PRMT3: variants seen among roughly 807,000 people sequenced by gnomAD.
PRMT3 encodes protein arginine N-methyltransferase 3.
PRMT3 carries 62 observed loss-of-function variants against 71.9 expected under a neutral mutation model. The ratio of observed to expected loss-of-function variants is 0.86; its 90% CI spans 0.70 to 1.07. The LOEUF (loss-of-function observed/expected upper bound fraction) is 1.07. Among genes scored for constraint, PRMT3 ranks in the 50% least tolerant of loss-of-function variants. The probability of loss-of-function intolerance (pLI) is 0.00; values close to 1 mark genes in which losing one functional copy is unlikely to be tolerated. For missense variants in PRMT3, 663 were observed against 643.0 expected (o/e 1.03, Z -0.34); for synonymous variants, 213 against 220.4 (o/e 0.97, Z 0.30).
Position 20,446,031 on chromosome 11 carries a change from G to T in PRMT3, c.994-6099G>T, listed in dbSNP as rs570810136. On this transcript the variant is annotated intron_variant, in intron 10 of 15. Coordinates refer to ENST00000331079, the MANE Select transcript of PRMT3 (RefSeq NM_005788.4). ...TTTCCAGTTTATTACGCAAATAATA[G>T]TGCTGTAGTGTGCTTGTACGTGTGT... Among the ~76,000 whole-genome samples, 15 of 152,230 alleles carry T rather than the reference G, an allele frequency of 9.9e-5. No individual in the cohort carries two copies. The East Asian group carries it at 2.7e-3, about 27-fold the overall frequency.
At chr11:20,444,845 T>C (rs1358131519) in intron 10 of PRMT3, among the ~76,000 whole-genome samples, 1 of 152,150 alleles carries the variant, frequency 6.6e-6, no homozygotes, top group Non-Finnish European at 1.5e-5. Flanking sequence ...AATTTCTACC[T>C]ATAGTTCAGG....
At chr11:20,425,129 A>C (rs1849518566) in intron 9 of PRMT3, among the ~76,000 whole-genome samples, 2 of 152,106 alleles carry the variant, frequency 1.3e-5, no homozygotes, top group Non-Finnish European at 2.9e-5. Context: ...AAAAGAAAGA[A>C]TACAACTGAC....
intron 15 of PRMT3, among the ~76,000 whole-genome samples, chr11:20,496,311 A>G (rs771447982): frequency 1.3e-5 from 2 of 152,014 alleles, no homozygotes; most frequent in Non-Finnish European, 2.9e-5. Context: ...CCTGCTACTT[A>G]GGAGGCTGAG....
At chr11:20,452,822 T>G (rs569341873) in intron 11 of PRMT3, among the ~76,000 whole-genome samples, 7 of 152,320 alleles carry the variant, frequency 4.6e-5, no homozygotes, top group Non-Finnish European at 1.0e-4. Context: ...CTGTGAGCAA[T>G]TATATACATA....
intron 10 of PRMT3, among the ~76,000 whole-genome samples, chr11:20,442,031 G>C (rs947426745): frequency 1.3e-5 from 2 of 152,174 alleles, no homozygotes; most frequent in Non-Finnish European, 2.9e-5. Context: ...GACCTCAGGT[G>C]ATCTGCCTGC....
At chr11:20,497,654 A>G (rs1271790976) in intron 15 of PRMT3, among the ~76,000 whole-genome samples, 1 of 152,188 alleles carries the variant, frequency 6.6e-6, no homozygotes, top group Admixed American at 6.5e-5. Context: ...ATCTATAGGA[A>G]GACTCCCGGA....
rs1418692429 is a variant in PRMT3 at position 20,387,947 on chromosome 11, G to C, written c.29-72G>C. ...CGAACGGGGCGGAGGAGAGCCCATC[G>C]TCACCTGCTCCTCGAGCCCCCGGGC... On this transcript the variant is annotated intron_variant, in intron 1 of 15. Transcript: ENST00000331079. This position sits in a 1 kb window ranked among gnomAD's most constrained non-coding sequence, Gnocchi z 4.3. 6.2e-7 allele frequency: 1 copy of C among 1,605,892 alleles called. No homozygotes were observed.
chr11:20,458,995 T>C (rs1397876794), intron 11 of PRMT3, among the ~76,000 whole-genome samples: 1 of 97,626 alleles, frequency 1.0e-5, no homozygotes, highest in Admixed American at 1.1e-4. Flanking sequence ...ATTTTTTCAG[T>C]AAAAGGCCAT....
chr11:20,496,422 G>C (rs1851333762), intron 15 of PRMT3, among the ~76,000 whole-genome samples: 1 of 151,988 alleles, frequency 6.6e-6, no homozygotes, highest in South Asian at 2.1e-4. Context: ...TGTCTCTTGG[G>C]GAGTTAATGT....
chr11:20,495,511 C>CA (rs943868592), intron 15 of PRMT3, among the ~76,000 whole-genome samples: 1 of 151,744 alleles, frequency 6.6e-6, no homozygotes, highest in Non-Finnish European at 1.5e-5. Flanking sequence ...GACCATGTCT[C>CA]AAAAAAAGAG....
intron 10 of PRMT3, among the ~76,000 whole-genome samples, chr11:20,441,883 C>T (rs1590067382): frequency 6.6e-6 from 1 of 151,522 alleles, no homozygotes; most frequent in Non-Finnish European, 1.5e-5. Context: ...ACCTCTGCCC[C>T]CCAGGTTCCA....
rs749979132 is a variant in PRMT3, at chr11:20,402,994, A to G, written c.771+10A>G. 19 of 1,555,638 alleles carry G rather than the reference A, an allele frequency of 1.2e-5. No homozygotes were observed. Among genetic ancestry groups the G allele is most frequent in the Non-Finnish European group, 1.7e-5 (19 of 1,127,596 alleles). On this transcript the variant is annotated intron_variant, in intron 8 of 15. Transcript: ENST00000331079. Reference sequence around the variant, plus strand: ...TATCTTCAAAGACAAGGTAAGTAGTATAGGTTATAGAATTATACATTTCAT... The same window carrying G: ...TATCTTCAAAGACAAGGTAAGTAGTGTAGGTTATAGAATTATACATTTCAT...
intron 10 of PRMT3, among the ~76,000 whole-genome samples, chr11:20,432,562 T>C (rs1268930870): frequency 1.3e-5 from 2 of 152,174 alleles, no homozygotes; most frequent in Non-Finnish European, 1.5e-5. Context: ...TTCCTTTCTT[T>C]TGAATATGTA....
At chr11:20,431,498 G>A (rs1374532428) in intron 10 of PRMT3, among the ~76,000 whole-genome samples, 3 of 152,120 alleles carry the variant, frequency 2.0e-5, no homozygotes, top group East Asian at 1.9e-4. Flanking sequence ...TGTAACTCAT[G>A]AGCGAGCTAC....
intron 13 of PRMT3, among the ~76,000 whole-genome samples, chr11:20,488,448 C>T (rs1431074199): frequency 2.0e-5 from 3 of 152,100 alleles, no homozygotes; most frequent in Non-Finnish European, 2.9e-5. Flanking sequence ...AGAAATACTT[C>T]AACGAAAAAT....
At chr11:20,485,381 C>G (rs1851046518) in intron 13 of PRMT3, among the ~76,000 whole-genome samples, 1 of 151,880 alleles carries the variant, frequency 6.6e-6, no homozygotes, top group African/African-American at 2.4e-5. Flanking sequence ...AAGCAGTAGA[C>G]AATAAAAACA....
chr11:20,411,933 T>TTG (rs769678422), intron 9 of PRMT3, among the ~76,000 whole-genome samples: 15 of 152,138 alleles, frequency 9.9e-5, no homozygotes, highest in Non-Finnish European at 1.9e-4. Flanking sequence ...ACAAAACAAA[T>TTG]TGTATCCACA....
At chr11:20,476,512 G>C (rs1285952547) in intron 13 of PRMT3, among the ~76,000 whole-genome samples, 1 of 152,148 alleles carries the variant, frequency 6.6e-6, no homozygotes, top group Non-Finnish European at 1.5e-5. Context: ...GAAAAATGGA[G>C]TTAATAAATT....
rs1008025922 is a variant in PRMT3 at position 20,444,876 on chromosome 11, G to T, written c.994-7254G>T. Among the ~76,000 whole-genome samples, 3 of 151,984 alleles carry T rather than the reference G, an allele frequency of 2.0e-5. No individual in the cohort carries two copies. The South Asian group carries it at 6.2e-4, about 31-fold the overall frequency. ...TCAGGGTTGTCTCTTTCTCTTTTCA[G>T]TTCTGTCAGGTTTTGCTTCAGGTAT... On this transcript the variant is annotated intron_variant, in intron 10 of 15. Coordinates refer to ENST00000331079, the MANE Select transcript of PRMT3 (RefSeq NM_005788.4).
Sources: gnomAD v4.1 joint callset for allele counts (sites outside exome capture counted in the v4.1 genomes callset) on GRCh38, gnomAD v4.1.1 for gene constraint, Gnocchi (gnomAD v3.1) non-coding constraint, MANE v1.5 for transcripts, NCBI Gene and HGNC (gene_info 2026-07-23, HGNC 2026-07-21) for gene names.